Variants in HIVEP3 observed in about 807,000 individuals in gnomAD.
HIVEP3 encodes HIVEP zinc finger 3.
HIVEP3 carries 49 observed loss-of-function variants against 152.8 expected under a neutral mutation model. The ratio of observed to expected loss-of-function variants is 0.32; its 90% CI spans 0.26 to 0.41. The LOEUF (loss-of-function observed/expected upper bound fraction) is 0.41. Ranked by LOEUF, HIVEP3 falls within the 10% of genes least tolerant of loss-of-function variation. The pLI, the probability that HIVEP3 is intolerant of heterozygous loss-of-function variation, is 1.00. For missense variants in HIVEP3, 2,790 were observed against 3,103.3 expected (o/e 0.90, Z 2.40); for synonymous variants, 1,269 against 1,289.0 (o/e 0.98, Z 0.33).
At chr1:42,021,098 G>A (rs1435791523) in intron 1 of HIVEP3, among the ~76,000 whole-genome samples, 1 of 152,158 alleles carries the variant, frequency 6.6e-6, no homozygotes, top group East Asian at 1.9e-4. Context: ...CTTTGAACAA[G>A]CAAGTAACAT....
At position 41,583,946 on chromosome 1, in the gene HIVEP3, A is replaced by G; in HGVS notation, c.852T>C (p.Ser284=). Residue 284 remains serine (S), a synonymous_variant, in exon 4 of 9, where the codon TCT becomes TCC. Transcript: ENST00000372583. This position sits in a 1 kb window ranked among gnomAD's most constrained non-coding sequence, Gnocchi z 6.9. The part of the protein sequence containing the change: ...EEPTEGESTD[S]EEETSATSGH... ...CAGAGGTGGCACTAGTCTCCTCTTCAGAATCTGTGCTTTCTCCCTCAGTGG... is the reference window on the plus strand; with the variant it reads ...CAGAGGTGGCACTAGTCTCCTCTTCGGAATCTGTGCTTTCTCCCTCAGTGG... 1 of 1,614,138 alleles carries G rather than the reference A, an allele frequency of 6.2e-7. No individual in the cohort carries two copies.
At chr1:41,893,118 G>A (rs575852340) in intron 1 of HIVEP3, among the ~76,000 whole-genome samples, 58 of 112,366 alleles carry the variant, frequency 5.2e-4, no homozygotes, top group Middle Eastern at 4.9e-3. Context: ...GCAAGATCTC[G>A]TCTCAAAAAA....
intron 1 of HIVEP3, among the ~76,000 whole-genome samples, chr1:41,938,479 G>A (rs1645030371): frequency 6.6e-6 from 1 of 152,158 alleles, no homozygotes; most frequent in Non-Finnish European, 1.5e-5. Context: ...AAGTAATGGG[G>A]GAAGGGAACT....
chr1:41,548,143 T>C (rs1297709920), intron 5 of HIVEP3, among the ~76,000 whole-genome samples: 1 of 152,200 alleles, frequency 6.6e-6, no homozygotes. Flanking sequence ...AATGGCCTCA[T>C]GTGCAAAGCA....
chr1:41,621,017 G>A (rs1645039664), intron 3 of HIVEP3, among the ~76,000 whole-genome samples: 1 of 152,200 alleles, frequency 6.6e-6, no homozygotes, highest in Admixed American at 6.5e-5. Flanking sequence ...AATTGACAGT[G>A]TGACCCTGGG....
At chr1:42,027,227 C>T (rs537859233) in intron 1 of HIVEP3, among the ~76,000 whole-genome samples, 1 of 152,236 alleles carries the variant, frequency 6.6e-6, no homozygotes, top group Non-Finnish European at 1.5e-5. Context: ...TTGGCAAATT[C>T]TGTCAATGCT....
chr1:41,607,452 C>A (rs1644837479), intron 3 of HIVEP3, among the ~76,000 whole-genome samples: 1 of 152,214 alleles, frequency 6.6e-6, no homozygotes, highest in Admixed American at 6.5e-5. Context: ...ATCTTCATAG[C>A]AACCTGCTCC....
chr1:41,960,763 C>T (rs1570846800), intron 1 of HIVEP3, among the ~76,000 whole-genome samples: 1 of 152,110 alleles, frequency 6.6e-6, no homozygotes, highest in Admixed American at 6.5e-5. Flanking sequence ...CAGCCCCATA[C>T]GAAGTGCTAA....
intron 1 of HIVEP3, among the ~76,000 whole-genome samples, chr1:41,947,081 C>T (rs1409461234): frequency 6.6e-6 from 1 of 152,140 alleles, no homozygotes; most frequent in East Asian, 1.9e-4. Context: ...TCTTGTTTGC[C>T]TTTGAAGATC....
intron 1 of HIVEP3, among the ~76,000 whole-genome samples, chr1:41,806,315 A>G (rs1650605893): frequency 1.3e-5 from 2 of 152,180 alleles, no homozygotes; most frequent in African/African-American, 4.8e-5. Flanking sequence ...CTGACTACAC[A>G]GCGTGGGCAT....
At chr1:41,787,314 C>T (rs962129419) in intron 1 of HIVEP3, among the ~76,000 whole-genome samples, 1 of 152,196 alleles carries the variant, frequency 6.6e-6, no homozygotes, top group African/African-American at 2.4e-5. Flanking sequence ...AAACATATTC[C>T]TCACTGCTTT....
chr1:41,599,659 C>G (rs1210315228), intron 3 of HIVEP3, among the ~76,000 whole-genome samples: 1 of 152,146 alleles, frequency 6.6e-6, no homozygotes, highest in Non-Finnish European at 1.5e-5. Flanking sequence ...AGCTTCATCA[C>G]ATTGGATTTG....
rs1553139439 is a variant in HIVEP3 at position 41,973,074 on chromosome 1, A to ACACACC, written n.120-54551_120-54550insGGTGTG. Among the ~76,000 whole-genome samples the ACACACC allele has an allele frequency of 4.6e-3, 702 of 151,894 alleles. 4 individuals carry two copies. Among genetic ancestry groups the ACACACC allele is most frequent in the African/African-American group, 0.016 (682 of 41,336 alleles). On this transcript the variant is annotated intron_variant and non_coding_transcript_variant, in intron 1 of 3. Transcript: ENST00000489103. ...CACACACACACACACACACACACAC[A>ACACACC]ATTATGAAAGCAAGAAAGCACACAG...
At chr1:41,579,627 A>G (rs1444872076) in intron 4 of HIVEP3, 110 bp downstream of exon 4, 2 of 1,269,728 alleles carry the variant, frequency 1.6e-6, no homozygotes, top group Middle Eastern at 2.9e-4. Flanking sequence ...AAATCTGACT[A>G]CTAGTCTGGC....
intron 2 of HIVEP3, among the ~76,000 whole-genome samples, chr1:41,697,044 C>A (rs1646287270): frequency 6.6e-6 from 1 of 152,114 alleles, no homozygotes; most frequent in Non-Finnish European, 1.5e-5. Context: ...ATTCTCCAAC[C>A]CCGCGTTGCA....
chr1:41,595,466 G>T (rs12164654), intron 3 of HIVEP3, among the ~76,000 whole-genome samples: 3 of 152,274 alleles, frequency 2.0e-5, no homozygotes, highest in African/African-American at 7.2e-5. Flanking sequence ...GGGACATGCC[G>T]AGAAAGGAGT....
chr1:41,609,738 C>T (rs935931255), intron 3 of HIVEP3, among the ~76,000 whole-genome samples: 4 of 152,236 alleles, frequency 2.6e-5, no homozygotes, highest in Non-Finnish European at 2.9e-5. Flanking sequence ...TCAGAACACA[C>T]GCCGTTCCCA....
At chr1:41,859,583 T>C (rs1280498498) in intron 1 of HIVEP3, among the ~76,000 whole-genome samples, 1 of 152,164 alleles carries the variant, frequency 6.6e-6, no homozygotes, top group Non-Finnish European at 1.5e-5. Flanking sequence ...CTAGAGCATC[T>C]CTCTGAAGTT....
chr1:41,992,175 A>G (rs1645365997), intron 1 of HIVEP3, among the ~76,000 whole-genome samples: 3 of 148,972 alleles, frequency 2.0e-5, no homozygotes, highest in African/African-American at 4.9e-5. Context: ...AAGGAAATAA[A>G]GGGTATTCAA....
Sources: allele counts gnomAD v4.1 joint callset (sites outside exome capture counted in the v4.1 genomes callset), GRCh38; gene constraint gnomAD v4.1.1; non-coding constraint Gnocchi (gnomAD v3.1); transcripts MANE v1.5; gene names NCBI Gene and HGNC (gene_info 2026-07-23, HGNC 2026-07-21).